Variants in TENM2 observed in about 807,000 individuals in gnomAD.
TENM2 encodes the protein teneurin-2.
Under a neutral mutation model 245.2 loss-of-function variants are expected in TENM2, and 52 were observed. The ratio of observed to expected loss-of-function variants is 0.21; its 90% CI spans 0.17 to 0.27. The LOEUF (loss-of-function observed/expected upper bound fraction) is 0.27, where lower values mean the gene tolerates loss of function less well. Ranked by LOEUF, TENM2 falls within the 10% of genes least tolerant of loss-of-function variation. The pLI is 1.00. For missense variants in TENM2, 3,046 were observed against 3,666.8 expected (o/e 0.83, Z 4.37); for synonymous variants, 1,363 against 1,438.9 (o/e 0.95, Z 1.19).
the TENM2 span, among the ~76,000 whole-genome samples, chr5:167,141,352 A>C: frequency 1.3e-5 from 2 of 152,190 alleles, no homozygotes; most frequent in African/African-American, 4.8e-5. Context: ...GTAGGGCTTT[A>C]ATATTTTTTT....
At chr5:167,546,880 T>C (rs2127614545) in intron 2 of TENM2, among the ~76,000 whole-genome samples, 1 of 152,270 alleles carries the variant, frequency 6.6e-6, no homozygotes, top group South Asian at 2.1e-4. Flanking sequence ...TCCCCATAAT[T>C]GACACCTCAA....
At chr5:168,063,646 G>A (rs907910324) in intron 7 of TENM2, among the ~76,000 whole-genome samples, 4 of 152,190 alleles carry the variant, frequency 2.6e-5, no homozygotes, top group Admixed American at 1.3e-4. Flanking sequence ...ATGCAAGGTA[G>A]TCAGGCTACA....
At chr5:167,489,930 G>T (rs1296933836) in intron 2 of TENM2, among the ~76,000 whole-genome samples, 4 of 151,900 alleles carry the variant, frequency 2.6e-5, no homozygotes, top group African/African-American at 9.7e-5. Flanking sequence ...TAATTTATTA[G>T]CTCCCTATTA....
chr5:167,868,002 C>G (rs1208519642), intron 2 of TENM2, among the ~76,000 whole-genome samples: 1 of 152,198 alleles, frequency 6.6e-6, no homozygotes, highest in Non-Finnish European at 1.5e-5. Flanking sequence ...CTTCTAATAT[C>G]TGCCCAATGC....
At chr5:167,592,509 A>G (rs778489245) in intron 2 of TENM2, among the ~76,000 whole-genome samples, 19 of 152,198 alleles carry the variant, frequency 1.2e-4, no homozygotes, top group Non-Finnish European at 2.4e-4. Flanking sequence ...TTGTCCCTTC[A>G]GCATATTTAA....
chr5:167,184,412 G>A, the TENM2 span, among the ~76,000 whole-genome samples: 17 of 152,202 alleles, frequency 1.1e-4, no homozygotes, highest in South Asian at 2.1e-3. Context: ...TGAAAATACC[G>A]TTTATAAATT....
At chr5:167,304,362 G>T (rs898620865) in intron 1 of TENM2, among the ~76,000 whole-genome samples, 1 of 152,078 alleles carries the variant, frequency 6.6e-6, no homozygotes, top group Non-Finnish European at 1.5e-5. Context: ...CTTCTGAATC[G>T]CTTCCCCAGT....
Position 168,218,871 on chromosome 5 carries a change from C to T in TENM2, c.4980C>T (p.Thr1660=), listed in dbSNP as rs181163650. Reference sequence around the variant, plus strand: ...CTGACAACCAGATCATCACCCTCACCGTGGGCACCAATGGAGGCCTCAAAG... The same window carrying T: ...CTGACAACCAGATCATCACCCTCACTGTGGGCACCAATGGAGGCCTCAAAG... Residue 1660 remains threonine (T), a synonymous_variant, in exon 23 of 29, where the codon ACC becomes ACT. Coordinates refer to ENST00000518659, the Ensembl canonical transcript of TENM2. This position sits in a 1 kb window ranked among gnomAD's most constrained non-coding sequence, Gnocchi z 5.2. The T allele has an allele frequency of 8.1e-6, 13 of 1,614,006 alleles. No individual in the cohort carries two copies. Among genetic ancestry groups the T allele is most frequent in the South Asian group, 6.6e-5 (6 of 91,078 alleles).
the TENM2 span, among the ~76,000 whole-genome samples, chr5:167,058,058 A>G: frequency 0.012 from 1,861 of 152,212 alleles, 23 homozygotes; most frequent in Middle Eastern, 0.082. Context: ...TATACCTACA[A>G]GTCTTTTAAA....
the TENM2 span, among the ~76,000 whole-genome samples, chr5:167,076,214 G>A: frequency 6.6e-6 from 1 of 151,464 alleles, no homozygotes; most frequent in African/African-American, 2.4e-5. Context: ...AGGTATAAAT[G>A]TAGATTCTTA....
exon 21 of TENM2, chr5:168,215,268 G>C: frequency 1.2e-6 from 2 of 1,613,410 alleles, no homozygotes; most frequent in South Asian, 2.2e-5. Context: ...TGATGAGCCC[G>C]AGAGGTAAAG....
At chr5:167,154,501 A>G in the TENM2 span, among the ~76,000 whole-genome samples, 1 of 152,232 alleles carries the variant, frequency 6.6e-6, no homozygotes, top group Non-Finnish European at 1.5e-5. Context: ...TTAAATTAAA[A>G]TGAAACATCG....
chr5:167,895,545 G>A (rs1343903080), intron 3 of TENM2, among the ~76,000 whole-genome samples: 1 of 152,208 alleles, frequency 6.6e-6, no homozygotes, highest in East Asian at 1.9e-4. Flanking sequence ...TCACTGCTAT[G>A]TACTACTTCG....
intron 6 of TENM2, among the ~76,000 whole-genome samples, chr5:168,052,149 G>C (rs959094279): frequency 7.2e-5 from 11 of 151,962 alleles, no homozygotes; most frequent in Admixed American, 6.6e-4. Flanking sequence ...TGTAATCCCA[G>C]CACTTTGGGA....
At chr5:168,261,450 T>TAG (rs1298199150) in intron 28 of TENM2, among the ~76,000 whole-genome samples, 7 of 152,208 alleles carry the variant, frequency 4.6e-5, no homozygotes, top group African/African-American at 1.7e-4. Flanking sequence ...TCTGACTCAG[T>TAG]AGTTCTGGAG....
Position 168,218,923 on chromosome 5 carries a change from G to A in TENM2, c.5032G>A (p.Gly1678Ser), listed in dbSNP as rs144362894. 1.0e-3 allele frequency: 1,613 copies of A among 1,613,974 alleles called. 22 individuals are homozygous for A. The East Asian group carries it at 0.028, about 28-fold the overall frequency. Residue 1678 changes from glycine to serine, a missense_variant, in exon 23 of 29, where the codon GGT becomes AGT. Transcript: ENST00000518659. The surrounding 1 kb of genome is among the most constrained non-coding windows in gnomAD (Gnocchi z 5.2). ...CGTGTCCACACAGAACCTGGAGCTTGGTCTCATGACCTATGATGGCAACAC... is the reference window on the plus strand; with the variant it reads ...CGTGTCCACACAGAACCTGGAGCTTAGTCTCATGACCTATGATGGCAACAC...
chr5:167,432,360 G>A (rs529390251), intron 2 of TENM2, among the ~76,000 whole-genome samples: 1 of 151,492 alleles, frequency 6.6e-6, no homozygotes, highest in Non-Finnish European at 1.5e-5. Context: ...TCTCCATACC[G>A]GAAAAATAAA....
At position 167,588,938 on chromosome 5, in the gene TENM2, C is replaced by T. The variant is rs545232732; in HGVS notation, c.502+213465C>T. 9.2e-5 allele frequency among the ~76,000 whole-genome samples: 14 copies of T among 152,274 alleles called. No homozygotes were observed. In the South Asian group the frequency reaches 1.7e-3, roughly 18 times the overall value. On this transcript the variant is annotated intron_variant, in intron 2 of 28. Transcript: ENST00000518659. Reference sequence around the variant, plus strand: ...ATGACAGGCCAGGCATGGTGGCTCACGCCTATAATCCCAGCATTTTGAGAG... The same window carrying T: ...ATGACAGGCCAGGCATGGTGGCTCATGCCTATAATCCCAGCATTTTGAGAG...
intron 2 of TENM2, among the ~76,000 whole-genome samples, chr5:167,378,455 T>C: frequency 6.6e-6 from 1 of 151,406 alleles, no homozygotes; most frequent in East Asian, 1.9e-4. Flanking sequence ...TGCATTAACA[T>C]TGTGCTGGCT....
Sources: gnomAD v4.1 joint callset for allele counts (sites outside exome capture counted in the v4.1 genomes callset) on GRCh38, gnomAD v4.1.1 for gene constraint, Gnocchi (gnomAD v3.1) non-coding constraint, MANE v1.5 for transcripts, NCBI Gene and HGNC (gene_info 2026-07-23, HGNC 2026-07-21) for gene names.